Variants in KCNIP4 observed in about 807,000 individuals in gnomAD.
The protein encoded by KCNIP4 is Kv channel-interacting protein 4.
A neutral mutation model predicts 34.0 loss-of-function variants in KCNIP4; 12 were observed. The ratio of observed to expected loss-of-function variants is 0.35; its 90% CI spans 0.23 to 0.57. KCNIP4 has a LOEUF of 0.57. Among genes scored for constraint, KCNIP4 ranks in the 20% least tolerant of loss-of-function variants. KCNIP4 has a pLI of 0.83. For missense variants in KCNIP4, 238 were observed against 311.7 expected (o/e 0.76, Z 1.78); for synonymous variants, 124 against 102.2 (o/e 1.21, Z -1.29).
At chr4:21,059,575 A>C (rs1743735510) in intron 1 of KCNIP4, among the ~76,000 whole-genome samples, 1 of 152,094 alleles carries the variant, frequency 6.6e-6, no homozygotes, top group Admixed American at 6.6e-5. Flanking sequence ...TCCTGGGGAA[A>C]GGAATAACAG....
intron 1 of KCNIP4, among the ~76,000 whole-genome samples, chr4:21,813,212 C>T (rs886596534): frequency 6.6e-6 from 1 of 152,170 alleles, no homozygotes; most frequent in Non-Finnish European, 1.5e-5. Context: ...TGCAACAAAT[C>T]CAAGCTTCTA....
intron 5 of KCNIP4, among the ~76,000 whole-genome samples, chr4:20,748,590 ATATATATATATATATTC>A (rs1379620847): frequency 9.9e-6 from 1 of 101,238 alleles, no homozygotes; most frequent in Non-Finnish European, 2.2e-5. Flanking sequence ...ATATATATAT[ATATATATATATATATTC>A]CATAAGTAAA....
intron 1 of KCNIP4, among the ~76,000 whole-genome samples, chr4:21,874,418 G>A (rs547218297): frequency 6.6e-6 from 1 of 152,302 alleles, no homozygotes; most frequent in South Asian, 2.1e-4. Flanking sequence ...TGAGCTCTCT[G>A]GCTTTCAGCT....
chr4:20,919,928 C>A (rs185028219), intron 1 of KCNIP4, among the ~76,000 whole-genome samples: 1 of 152,172 alleles, frequency 6.6e-6, no homozygotes, highest in East Asian at 1.9e-4. Context: ...TAATTAGAAT[C>A]CTCTTCTCTT....
intron 1 of KCNIP4, among the ~76,000 whole-genome samples, chr4:20,977,665 A>G (rs1376330889): frequency 1.3e-5 from 2 of 152,226 alleles, no homozygotes; most frequent in Admixed American, 6.5e-5. Flanking sequence ...TTGGTATTTT[A>G]AATAATTAAT....
chr4:21,044,662 GA>G (rs1030393704), intron 1 of KCNIP4, among the ~76,000 whole-genome samples: 1 of 152,170 alleles, frequency 6.6e-6, no homozygotes, highest in African/African-American at 2.4e-5. Context: ...TCCAGAGCAA[GA>G]AGTCCAACCA....
intron 1 of KCNIP4, among the ~76,000 whole-genome samples, chr4:21,649,531 T>C (rs1747308308): frequency 6.6e-6 from 1 of 152,052 alleles, no homozygotes; most frequent in South Asian, 2.1e-4. Context: ...TCTTATGGAG[T>C]AGTTAGTTCC....
At chr4:21,420,008 T>A (rs1725316385) in intron 1 of KCNIP4, among the ~76,000 whole-genome samples, 1 of 152,208 alleles carries the variant, frequency 6.6e-6, no homozygotes, top group South Asian at 2.1e-4. Context: ...GTTTTGACAC[T>A]GTGCAAGAGC....
chr4:21,595,023 G>T (rs892620630), intron 1 of KCNIP4, among the ~76,000 whole-genome samples: 1 of 152,058 alleles, frequency 6.6e-6, no homozygotes, highest in Non-Finnish European at 1.5e-5. Context: ...TGCAGAATGT[G>T]CAGGTTTGTT....
intron 1 of KCNIP4, among the ~76,000 whole-genome samples, chr4:20,897,594 A>G (rs983056886): frequency 6.6e-6 from 1 of 152,024 alleles, no homozygotes; most frequent in South Asian, 2.1e-4. Context: ...TTAAAGAGGT[A>G]ATTAAGTTAA....
intron 1 of KCNIP4, among the ~76,000 whole-genome samples, chr4:21,884,453 A>G (rs1007763628): frequency 6.6e-6 from 1 of 152,196 alleles, no homozygotes; most frequent in African/African-American, 2.4e-5. Flanking sequence ...GTCTCGGCAC[A>G]GTAGTTTCCC....
chr4:21,439,124 T>C (rs548422459), intron 1 of KCNIP4, among the ~76,000 whole-genome samples: 59 of 144,052 alleles, frequency 4.1e-4, no homozygotes, highest in African/African-American at 1.3e-3. Flanking sequence ...ATCGCGCCAC[T>C]GCACTCCAGC....
At chr4:20,921,702 G>T (rs1367279229) in intron 1 of KCNIP4, among the ~76,000 whole-genome samples, 1 of 152,174 alleles carries the variant, frequency 6.6e-6, no homozygotes, top group East Asian at 1.9e-4. Flanking sequence ...TAAATTCAAT[G>T]CTAATGAATA....
At chr4:21,175,199 G>C (rs77359167) in intron 1 of KCNIP4, among the ~76,000 whole-genome samples, 3,080 of 151,964 alleles carry the variant, frequency 0.02, 106 homozygotes, top group African/African-American at 0.068. Context: ...TCTTTCTCAA[G>C]GATTTGGGAC....
intron 1 of KCNIP4, among the ~76,000 whole-genome samples, chr4:21,816,818 G>A (rs139590261): frequency 4.6e-5 from 7 of 152,190 alleles, no homozygotes; most frequent in African/African-American, 1.7e-4. Flanking sequence ...GCCCAATCTG[G>A]AGCATATTTC....
In KCNIP4 at chr4:20,883,817, A is replaced by G. The variant is rs1724982698; in HGVS notation, c.62-1108T>C. Among the ~76,000 whole-genome samples, 4 of 152,214 alleles carry G rather than the reference A, an allele frequency of 2.6e-5. No homozygotes were observed. The South Asian group carries it at 8.3e-4, about 31-fold the overall frequency. ...CTGGCTAAAACTCATGTGTGTGTGTAGAGTAGGATGACAAAATGAAGTAGT... is the reference window on the plus strand; with the variant it reads ...CTGGCTAAAACTCATGTGTGTGTGTGGAGTAGGATGACAAAATGAAGTAGT... On this transcript the variant is annotated intron_variant, in intron 1 of 8. Transcript: ENST00000382152.
intron 1 of KCNIP4, among the ~76,000 whole-genome samples, chr4:21,678,484 T>G (rs1577826642): frequency 6.6e-6 from 1 of 152,156 alleles, no homozygotes; most frequent in African/African-American, 2.4e-5. Flanking sequence ...GGTTCCCCAT[T>G]CCACTCACGA....
intron 2 of KCNIP4, among the ~76,000 whole-genome samples, chr4:20,876,808 G>C (rs1000721124): frequency 6.6e-6 from 1 of 152,050 alleles, no homozygotes; most frequent in Admixed American, 6.6e-5. Flanking sequence ...TCTTAACCTC[G>C]TGATCCACCC....
chr4:20,753,906 GTTCATTCA>G lies in KCNIP4; in HGVS notation c.359-4182_359-4175del, dbSNP rs3835144. Among the ~76,000 whole-genome samples, 810 of 151,280 alleles carry G rather than the reference GTTCATTCA, an allele frequency of 5.4e-3. 26 individuals are homozygous for G. In the East Asian group the frequency reaches 0.13, roughly 23 times the overall value. ...AGATTATTCTGACTTGAGCTCATTT[GTTCATTCA>G]TTCATTCATTCATTCATTCATTCAA... On this transcript the variant is annotated intron_variant, in intron 4 of 8. Transcript: ENST00000382152.
Sources: gnomAD v4.1 joint callset for allele counts (sites outside exome capture counted in the v4.1 genomes callset) on GRCh38, gnomAD v4.1.1 for gene constraint, MANE v1.5 for transcripts, NCBI Gene and HGNC (gene_info 2026-07-23, HGNC 2026-07-21) for gene names.